Variants in ADAMTS2 observed in about 807,000 individuals in gnomAD.
ADAMTS2 encodes the protein A disintegrin and metalloproteinase with thrombospondin motifs 2.
In ADAMTS2, 50 loss-of-function variants were observed where a neutral mutation model predicts 123.0. The ratio of observed to expected loss-of-function variants is 0.41; its 90% CI spans 0.32 to 0.51. ADAMTS2 has a LOEUF of 0.51. Among genes scored for constraint, ADAMTS2 ranks in the 20% least tolerant of loss-of-function variants. The pLI, the probability that ADAMTS2 is intolerant of heterozygous loss-of-function variation, is 0.35. For missense variants in ADAMTS2, 1,494 were observed against 1,705.2 expected (o/e 0.88, Z 2.18); for synonymous variants, 678 against 695.4 (o/e 0.98, Z 0.39).
chr5:179,345,227 G>GA lies in ADAMTS2; in HGVS notation c.101_102insT (p.Ala35ArgfsTer31). ...CGGCGGCGGCGAGCCTGGCGTTCGC[G>GA]GGCGGCGGCGGCGGCGGCAGGAGCG... On this transcript the variant is annotated frameshift_variant, in exon 1 of 22. Transcript: ENST00000251582. LOFTEE classifies it high-confidence loss of function. This position sits in a 1 kb window ranked among gnomAD's most constrained non-coding sequence, Gnocchi z 7.5. 8.9e-7 allele frequency: 1 copy of GA among 1,119,530 alleles called. No homozygotes were observed. 69.3% of individuals were successfully genotyped at this position (1,119,530 alleles called of 1,614,324 possible).
In ADAMTS2 at chr5:179,197,881, G is replaced by A. The variant is rs556265898; in HGVS notation, c.891+9632C>T. ...AGCTGCCTCCTAGCATGGCAGCCTC[G>A]CCTGTCAGGCCCAAGCCCACTCTTT... is the stretch of plus-strand genomic sequence containing the variant. On this transcript the variant is annotated intron_variant, in intron 4 of 21. Coordinates refer to ENST00000251582, the MANE Select transcript of ADAMTS2 (RefSeq NM_014244.5). The surrounding 1 kb of genome is among the most constrained non-coding windows in gnomAD (Gnocchi z 4.2). Among the ~76,000 whole-genome samples the A allele has an allele frequency of 8.5e-5, 13 of 152,166 alleles. No homozygotes were observed. The highest frequency in any genetic ancestry group is 4.1e-4 in the South Asian group (2 of 4,824).
intron 3 of ADAMTS2, among the ~76,000 whole-genome samples, chr5:179,224,991 C>A (rs2113415654): frequency 6.6e-6 from 1 of 152,338 alleles, no homozygotes; most frequent in African/African-American, 2.4e-5. Context: ...CTCACAGTGG[C>A]TGAAGCTTCC....
rs1170307677 is a variant in ADAMTS2, at chr5:179,272,232, G to A, written c.688+679C>T. Among the ~76,000 whole-genome samples, 1 of 152,240 alleles carries A rather than the reference G, an allele frequency of 6.6e-6. No homozygotes were observed. The highest frequency in any genetic ancestry group is 1.5e-5 in the Non-Finnish European group (1 of 68,040). On this transcript the variant is annotated intron_variant, in intron 3 of 21. Transcript: ENST00000251582. This position sits in a 1 kb window ranked among gnomAD's most constrained non-coding sequence, Gnocchi z 5.8. Reference sequence around the variant, plus strand: ...AGATCTGAGGCGACAGTCATGGACTGTCACCATGGCCGCCTGGCAGCTCCT... The same window carrying A: ...AGATCTGAGGCGACAGTCATGGACTATCACCATGGCCGCCTGGCAGCTCCT...
At chr5:179,192,361 C>T (rs1268481473) in intron 4 of ADAMTS2, among the ~76,000 whole-genome samples, 2 of 152,218 alleles carry the variant, frequency 1.3e-5, no homozygotes, top group African/African-American at 2.4e-5. Context: ...TGCTTTCCAA[C>T]ACCCAGAGCA....
Position 179,132,114 on chromosome 5 carries a change from G to A in ADAMTS2, c.2290+116C>T, listed in dbSNP as rs1237642260. The A allele has an allele frequency of 7.9e-6, 8 of 1,011,664 alleles. No homozygotes were observed. In the East Asian group the frequency reaches 1.8e-4, roughly 23 times the overall value. 62.7% of individuals were successfully genotyped at this position (1,011,664 alleles called of 1,614,324 possible). A position where few individuals can be genotyped will look rare whatever the true frequency, so the allele number is the denominator to read the frequency against. On this transcript the variant is annotated intron_variant, in intron 15 of 21. Transcript: ENST00000251582. The surrounding 1 kb of genome is among the most constrained non-coding windows in gnomAD (Gnocchi z 6.1). ...GACAGGTTGGGGAGGGGCTGCCCTGGCTCAGGTCATGGCTGCACAACCCGG... is the reference window on the plus strand; with the variant it reads ...GACAGGTTGGGGAGGGGCTGCCCTGACTCAGGTCATGGCTGCACAACCCGG...
chr5:179,139,732 C>G lies in ADAMTS2; in HGVS notation c.1775+158G>C, dbSNP rs541167937. On this transcript the variant is annotated intron_variant, in intron 11 of 21. Transcript: ENST00000251582. ...CTAAGCGTCCCCTGAGCCGTCACCCCCTCCCAGGTAGGGTGAGGCAGGCGG... is the reference window on the plus strand; with the variant it reads ...CTAAGCGTCCCCTGAGCCGTCACCCGCTCCCAGGTAGGGTGAGGCAGGCGG... Among the ~76,000 whole-genome samples, 3 of 152,264 alleles carry G rather than the reference C, an allele frequency of 2.0e-5. No homozygotes were observed. In the East Asian group the frequency reaches 5.8e-4, roughly 29 times the overall value.
chr5:179,188,135 A>G lies in ADAMTS2; in HGVS notation c.892-6980T>C, dbSNP rs576730962. Among the ~76,000 whole-genome samples the G allele has an allele frequency of 3.3e-5, 5 of 152,300 alleles. No individual in the cohort carries two copies. The East Asian group carries it at 9.7e-4, about 29-fold the overall frequency. On this transcript the variant is annotated intron_variant, in intron 4 of 21. Coordinates refer to ENST00000251582, the MANE Select transcript of ADAMTS2 (RefSeq NM_014244.5). The surrounding 1 kb of genome is among the most constrained non-coding windows in gnomAD (Gnocchi z 5.1). ...AGGCAGGGGCCCTGGAACAGCAGCC[A>G]CCCCAACCTTCAGGAAAGTTCCCAT...
intron 18 of ADAMTS2, 59 bp downstream of exon 18, chr5:179,125,939 A>T: frequency 1.2e-6 from 2 of 1,609,128 alleles, no homozygotes; most frequent in Non-Finnish European, 1.7e-6. Context: ...CAAGCACGGG[A>T]GCCCCTGGTG....
chr5:179,236,951 G>T (rs1765543250), intron 3 of ADAMTS2, among the ~76,000 whole-genome samples: 1 of 152,098 alleles, frequency 6.6e-6, no homozygotes, highest in Non-Finnish European at 1.5e-5. Context: ...TGGGATTAGT[G>T]CCCTTATCAA....
chr5:179,117,539 GC>G lies in ADAMTS2; in HGVS notation c.3179-3216del, dbSNP rs1467882678. Among the ~76,000 whole-genome samples the G allele has an allele frequency of 6.6e-6, 1 of 150,548 alleles. No homozygotes were observed. Among genetic ancestry groups the G allele is most frequent in the East Asian group, 1.9e-4 (1 of 5,156 alleles). ...TGTAAATAAAGTTTTATTGGATCAG[GC>G]CCATGCCCATGCATTTTTTTTTTTT... On this transcript the variant is annotated intron_variant, in intron 21 of 21. Transcript: ENST00000251582. The surrounding 1 kb of genome is among the most constrained non-coding windows in gnomAD (Gnocchi z 4.2).
intron 21 of ADAMTS2, among the ~76,000 whole-genome samples, chr5:179,119,322 C>A (rs570180402): frequency 6.6e-6 from 1 of 152,226 alleles, no homozygotes; most frequent in Admixed American, 6.5e-5. Context: ...CCCCCGGGCC[C>A]GGCCCTATGC....
intron 2 of ADAMTS2, among the ~76,000 whole-genome samples, chr5:179,338,029 C>T (rs375689884): frequency 3.9e-5 from 6 of 152,238 alleles, no homozygotes; most frequent in East Asian, 3.8e-4. Flanking sequence ...AGGGAAGCCA[C>T]GGCGAGCCAT....
At chr5:179,336,169 C>T (rs1014235554) in intron 2 of ADAMTS2, among the ~76,000 whole-genome samples, 1 of 152,242 alleles carries the variant, frequency 6.6e-6, no homozygotes, top group African/African-American at 2.4e-5. Context: ...GGGTCTCAGG[C>T]CCCGGCCCTG....
rs550734555 is a variant in ADAMTS2 at position 179,308,450 on chromosome 5, G to A, written c.534+35317C>T. Reference sequence around the variant, plus strand: ...CCCTGGGCAGGCTGAGGACAGGAACGGGCAGCCGCCACTGTTCACGAGCAA... The same window carrying A: ...CCCTGGGCAGGCTGAGGACAGGAACAGGCAGCCGCCACTGTTCACGAGCAA... On this transcript the variant is annotated intron_variant, in intron 2 of 21. Coordinates refer to ENST00000251582, the MANE Select transcript of ADAMTS2 (RefSeq NM_014244.5). This position sits in a 1 kb window ranked among gnomAD's most constrained non-coding sequence, Gnocchi z 6.6. Among the ~76,000 whole-genome samples, 28 of 152,266 alleles carry A rather than the reference G, an allele frequency of 1.8e-4. No individual in the cohort carries two copies. Among genetic ancestry groups the A allele is most frequent in the Admixed American group, 1.6e-3 (24 of 15,302 alleles).
chr5:179,248,322 G>T (rs1001858233), intron 3 of ADAMTS2, among the ~76,000 whole-genome samples: 1 of 151,938 alleles, frequency 6.6e-6, no homozygotes. Flanking sequence ...GAGGAATTGA[G>T]GAATAAAGAA....
Position 179,267,200 on chromosome 5 carries a change from G to C in ADAMTS2, c.688+5711C>G, listed in dbSNP as rs192111897. On this transcript the variant is annotated intron_variant, in intron 3 of 21. Coordinates refer to ENST00000251582, the MANE Select transcript of ADAMTS2 (RefSeq NM_014244.5). ...CAACTCAAGGCAAAGTCACAGGGTG[G>C]AGACTGTGGGTCAGGAGGGGCTCTT... is the stretch of plus-strand genomic sequence containing the variant. Among the ~76,000 whole-genome samples the C allele has an allele frequency of 2.3e-3, 346 of 152,298 alleles. 1 individual carries two copies. The highest frequency in any genetic ancestry group is 8.1e-3 in the African/African-American group (335 of 41,556).
At position 179,285,030 on chromosome 5, in the gene ADAMTS2, T is replaced by C. The variant is rs1021238239; in HGVS notation, c.535-11966A>G. On this transcript the variant is annotated intron_variant, in intron 2 of 21. Transcript: ENST00000251582. The surrounding 1 kb of genome is among the most constrained non-coding windows in gnomAD (Gnocchi z 4.9). The stretch of plus-strand genomic sequence containing the variant: ...AATGGAGATAATAACAGGGTTTCCA[T>C]GGCTGATGTGAGGGCTAAGCGAGAT... 2.6e-5 allele frequency among the ~76,000 whole-genome samples: 4 copies of C among 152,128 alleles called. No individual in the cohort carries two copies. Among genetic ancestry groups the C allele is most frequent in the African/African-American group, 9.7e-5 (4 of 41,410 alleles).
intron 2 of ADAMTS2, among the ~76,000 whole-genome samples, chr5:179,321,535 G>A (rs1044672528): frequency 7.2e-5 from 11 of 152,058 alleles, no homozygotes; most frequent in Non-Finnish European, 1.2e-4. Context: ...GGGCAGCCCC[G>A]CTCCTAAGAC....
At chr5:179,289,671 C>G (rs1756130953) in intron 2 of ADAMTS2, among the ~76,000 whole-genome samples, 1 of 152,214 alleles carries the variant, frequency 6.6e-6, no homozygotes, top group South Asian at 2.1e-4. Flanking sequence ...AGCCCTAGAG[C>G]TCCCGGGGCA....
Sources: allele counts gnomAD v4.1 joint callset (sites outside exome capture counted in the v4.1 genomes callset), GRCh38; gene constraint gnomAD v4.1.1; non-coding constraint Gnocchi (gnomAD v3.1); transcripts MANE v1.5; gene names NCBI Gene and HGNC (gene_info 2026-07-23, HGNC 2026-07-21).